The following BTC variants were observed in gnomAD, a reference collection of about 807,000 sequenced individuals.
BTC encodes betacellulin.
BTC carries 13 observed loss-of-function variants against 18.1 expected under a neutral mutation model. That is an observed-to-expected ratio of 0.72 (90% CI 0.47 to 1.14). The LOEUF (loss-of-function observed/expected upper bound fraction) is 1.14. Ranked by LOEUF, BTC falls within the 50% of genes most tolerant of loss-of-function variation. The pLI is 0.00. For missense variants in BTC, 247 were observed against 224.2 expected, an observed-to-expected ratio of 1.10 and a Z score of -0.65; for synonymous variants, 83 against 79.4, an observed-to-expected ratio of 1.05 and a Z score of -0.24.
At chr4:74,746,752 G>A (rs934830020) in intron 5 of BTC, 77 bp from the exon 6 acceptor site, 2 of 151,872 alleles carry the variant, frequency 1.3e-5, no homozygotes, top group African/African-American at 4.8e-5. Context: ...TAAAAATCCA[G>A]AGCCAGCCAT....
intron 2 of BTC, among the ~76,000 whole-genome samples, chr4:74,764,219 G>A (rs1724838675): frequency 6.6e-6 from 1 of 152,036 alleles, no homozygotes; most frequent in Non-Finnish European, 1.5e-5. Flanking sequence ...GCAAAAATGA[G>A]TATTTGAATT....
At chr4:74,792,593 A>C (rs6842490) in intron 1 of BTC, among the ~76,000 whole-genome samples, 44,223 of 152,072 alleles carry the variant, frequency 0.29, 10,150 homozygotes, top group African/African-American at 0.64. Context: ...TAGCTTATTG[A>C]TTCTGTTCCA....
intron 3 of BTC, among the ~76,000 whole-genome samples, chr4:74,754,696 A>G (rs1724549887): frequency 6.6e-6 from 1 of 152,194 alleles, no homozygotes; most frequent in Non-Finnish European, 1.5e-5. Context: ...GGCTAAGAAA[A>G]CGAGTTTAAA....
chr4:74,776,695 C>T (rs1284885915), intron 1 of BTC, among the ~76,000 whole-genome samples: 1 of 152,148 alleles, frequency 6.6e-6, no homozygotes, highest in Non-Finnish European at 1.5e-5. Flanking sequence ...AGTACACCAG[C>T]TGGGTCAACT....
chr4:74,785,634 T>A (rs1725458445), intron 1 of BTC, among the ~76,000 whole-genome samples: 1 of 152,220 alleles, frequency 6.6e-6, no homozygotes, highest in South Asian at 2.1e-4. Flanking sequence ...TGTAGTAAAC[T>A]TTTTATTTTG....
intron 1 of BTC, among the ~76,000 whole-genome samples, chr4:74,789,683 A>C (rs1228334868): frequency 6.6e-6 from 1 of 152,204 alleles, no homozygotes; most frequent in Non-Finnish European, 1.5e-5. Context: ...TTCCTAAATT[A>C]ATGTATTTTT....
At chr4:74,768,304 C>T (rs577513102) in intron 2 of BTC, among the ~76,000 whole-genome samples, 2 of 152,168 alleles carry the variant, frequency 1.3e-5, no homozygotes, top group South Asian at 4.1e-4. Flanking sequence ...TACTTGTATG[C>T]CCATGTTTAC....
intron 5 of BTC, among the ~76,000 whole-genome samples, chr4:74,747,456 A>G (rs561828683): frequency 2.0e-5 from 3 of 152,160 alleles, no homozygotes; most frequent in South Asian, 4.2e-4. Flanking sequence ...CCCTCCTCCA[A>G]TGTGCCTCTG....
rs1724254670 is a variant in BTC, at chr4:74,744,974, C to T, written c.*1703G>A. On this transcript the variant is annotated 3_prime_UTR_variant, in exon 6 of 6. Coordinates refer to ENST00000395743, the MANE Select transcript of BTC (RefSeq NM_001729.4). ...TGGCTTGAGAGATTTTGTTGGTCAG[C>T]CAAACTCAGTCCAGGAAAAAAGAAA... The T allele has an allele frequency of 6.6e-6, 1 of 152,164 alleles. No individual in the cohort carries two copies. The highest frequency in any genetic ancestry group is 1.5e-5 in the Non-Finnish European group (1 of 68,026). 9.4% of individuals were successfully genotyped at this position (152,164 alleles called of 1,614,324 possible). A position where few individuals can be genotyped will look rare whatever the true frequency, so the allele number is the denominator to read the frequency against.
At chr4:74,784,589 C>G (rs528983368) in intron 1 of BTC, among the ~76,000 whole-genome samples, 2 of 152,042 alleles carry the variant, frequency 1.3e-5, no homozygotes, top group African/African-American at 4.8e-5. Flanking sequence ...ACTGTTTTGA[C>G]GTATATTCTT....
At chr4:74,785,617 C>CT (rs1327139276) in intron 1 of BTC, among the ~76,000 whole-genome samples, 1 of 152,098 alleles carries the variant, frequency 6.6e-6, no homozygotes, top group Non-Finnish European at 1.5e-5. Flanking sequence ...CCTGCAGTGT[C>CT]TTTTTTTGTA....
chr4:74,772,051 G>C (rs958826902), intron 1 of BTC, among the ~76,000 whole-genome samples: 1 of 152,196 alleles, frequency 6.6e-6, no homozygotes, highest in Non-Finnish European at 1.5e-5. Context: ...AATATAGCGT[G>C]ATCTGTTTGT....
At chr4:74,752,668 C>A (rs182451683) in intron 3 of BTC, among the ~76,000 whole-genome samples, 1 of 152,010 alleles carries the variant, frequency 6.6e-6, no homozygotes, top group East Asian at 1.9e-4. Flanking sequence ...CGTGAGCCAC[C>A]GTGACTGGCC....
At chr4:74,759,683 G>A (rs549987823) in intron 2 of BTC, among the ~76,000 whole-genome samples, 1 of 151,610 alleles carries the variant, frequency 6.6e-6, no homozygotes, top group South Asian at 2.1e-4. Context: ...AACCTTTAGG[G>A]TTACTGCACG....
intron 1 of BTC, among the ~76,000 whole-genome samples, chr4:74,770,566 G>T (rs1229062444): frequency 2.6e-5 from 4 of 152,114 alleles, no homozygotes; most frequent in African/African-American, 9.7e-5. Flanking sequence ...GCGTTCTCAG[G>T]TGTTAACAAC....
At chr4:74,753,335 T>C (rs1328997496) in intron 3 of BTC, among the ~76,000 whole-genome samples, 3 of 152,218 alleles carry the variant, frequency 2.0e-5, no homozygotes, top group Non-Finnish European at 4.4e-5. Context: ...GTATGTGTTA[T>C]CATTAACCCC....
intron 1 of BTC, among the ~76,000 whole-genome samples, chr4:74,776,341 C>A (rs1312772416): frequency 6.6e-6 from 1 of 152,030 alleles, no homozygotes; most frequent in Non-Finnish European, 1.5e-5. Flanking sequence ...TTCTCAGGTG[C>A]ATTAAAGCAA....
At chr4:74,750,813 G>T in intron 3 of BTC, 94 bp from the exon 4 acceptor site, 1 of 1,456,542 alleles carries the variant, frequency 6.9e-7, no homozygotes, top group South Asian at 1.3e-5. Flanking sequence ...CTCATTACTT[G>T]AAATTAATAA....
intron 1 of BTC, among the ~76,000 whole-genome samples, chr4:74,783,124 T>A (rs907150644): frequency 3.3e-5 from 5 of 152,204 alleles, no homozygotes; most frequent in Non-Finnish European, 7.3e-5. Context: ...CTTGTCAATT[T>A]TTGCTTTTGT....
Sources: gnomAD v4.1 joint callset for allele counts (sites outside exome capture counted in the v4.1 genomes callset) on GRCh38, gnomAD v4.1.1 for gene constraint, MANE v1.5 for transcripts, NCBI Gene and HGNC (gene_info 2026-07-23, HGNC 2026-07-21) for gene names.